The following XIAP variants were observed in gnomAD, a reference collection of about 807,000 sequenced individuals.
XIAP encodes E3 ubiquitin-protein ligase XIAP.
Under a neutral mutation model 33.1 loss-of-function variants are expected in XIAP, and 3 were observed. That is an observed-to-expected ratio of 0.09 (90% CI 0.04 to 0.23). The LOEUF is 0.23. Among genes scored for constraint, XIAP ranks in the 10% least tolerant of loss-of-function variants. XIAP has a pLI of 1.00. For missense variants in XIAP, 264 were observed against 363.0 expected (o/e 0.73, Z 2.22); for synonymous variants, 98 against 121.3 (o/e 0.81, Z 1.26).
At position 123,897,245 on chromosome X, in the gene XIAP, A is replaced by G. The variant is rs997764909; in HGVS notation, c.1100-3248A>G. ...GCCCAGCGAAACATCTTTAATTTTT[A>G]TGACATCCAATTTATCTATTTTTCT... On this transcript the variant is annotated intron_variant, in intron 5 of 6. Transcript: ENST00000371199. Among the ~76,000 whole-genome samples the G allele has an allele frequency of 7.2e-5, 8 of 111,682 alleles. No homozygotes were observed. The Admixed American group carries it at 7.7e-4, about 11-fold the overall frequency.
At chrX:123,904,396 C>A (rs2053542134) in intron 6 of XIAP, among the ~76,000 whole-genome samples, 1 of 110,991 alleles carries the variant, frequency 9.0e-6, no homozygotes, top group Admixed American at 9.7e-5. Flanking sequence ...AGTGCCGTTT[C>A]TTTACTTGTA....
At position 123,860,231 on chromosome X, in the gene XIAP, G is replaced by C. The variant is rs757670783; in HGVS notation, c.-95G>C. On this transcript the variant is annotated 5_prime_UTR_variant, in exon 1 of 7. Transcript: ENST00000371199. ...TTGGGGCTCGGGCCGCGCCTCCTCC[G>C]GGACCCTCCCCTTGGACCGAGCCGA... 6 of 329,988 alleles carry C rather than the reference G, an allele frequency of 1.8e-5. No individual in the cohort carries two copies. Among genetic ancestry groups the C allele is most frequent in the South Asian group, 1.6e-4 (6 of 38,548 alleles). 27.2% of individuals were successfully genotyped at this position (329,988 alleles called of 1,213,427 possible).
intron 6 of XIAP, 61 bp from the exon 7 acceptor site, chrX:123,906,927 T>C: frequency 8.5e-7 from 1 of 1,171,083 alleles, no homozygotes; most frequent in Non-Finnish European, 1.2e-6. Context: ...ATAAATGTTT[T>C]CAATGAATTT....
chrX:123,860,407 G>C (rs1326017179), intron 1 of XIAP, 114 bp downstream of exon 1: 4 of 291,815 alleles, frequency 1.4e-5, no homozygotes, highest in Non-Finnish European at 6.7e-6. Flanking sequence ...TGGGGAGGGC[G>C]GGAAGGCCGC....
chrX:123,883,402 T>A (rs7060959), intron 1 of XIAP, among the ~76,000 whole-genome samples: 20,730 of 109,492 alleles, frequency 0.19, 1,429 homozygotes, highest in South Asian at 0.39. Flanking sequence ...AGATATTTTT[T>A]AAAAACCAGA....
Position 123,910,111 on chromosome X carries a change from A to T in XIAP, c.*2930A>T, listed in dbSNP as rs772067043. 4 of 325,028 alleles carry T rather than the reference A, an allele frequency of 1.2e-5. No homozygotes were observed. Among genetic ancestry groups the T allele is most frequent in the South Asian group, 1.1e-4 (4 of 37,401 alleles). 26.8% of individuals were successfully genotyped at this position (325,028 alleles called of 1,213,427 possible). On this transcript the variant is annotated 3_prime_UTR_variant, in exon 7 of 7. Transcript: ENST00000371199. ...GCAATAAGTACTTATCTTTATTTGT[A>T]ATAATTTAGTCTGCTGATCAAAAGC...
chrX:123,863,151 T>A (rs1413937352), intron 1 of XIAP, among the ~76,000 whole-genome samples: 2 of 110,813 alleles, frequency 1.8e-5, no homozygotes, highest in Non-Finnish European at 3.8e-5. Context: ...ACATATTTTT[T>A]AAAAAAGTTA....
chrX:123,861,764 C>A (rs898117630), intron 1 of XIAP, among the ~76,000 whole-genome samples: 7 of 111,782 alleles, frequency 6.3e-5, no homozygotes, highest in Non-Finnish European at 1.3e-4. Flanking sequence ...TGTATTTATA[C>A]ATATCAGTGG....
intron 5 of XIAP, among the ~76,000 whole-genome samples, chrX:123,895,763 CTTT>C (rs202012632): frequency 1.0e-5 from 1 of 98,536 alleles, no homozygotes; most frequent in Non-Finnish European, 2.1e-5. Flanking sequence ...TCTCCTTTGA[CTTT>C]TTTTTTTTTT....
At chrX:123,894,603 T>G (rs749383546) in intron 5 of XIAP, among the ~76,000 whole-genome samples, 1 of 110,645 alleles carries the variant, frequency 9.0e-6, no homozygotes, top group African/African-American at 3.3e-5. Flanking sequence ...ACTCCGTCTC[T>G]ACTAAAAATA....
At chrX:123,906,346 A>G (rs761229570) in intron 6 of XIAP, among the ~76,000 whole-genome samples, 2 of 111,863 alleles carry the variant, frequency 1.8e-5, no homozygotes, top group East Asian at 5.6e-4. Flanking sequence ...GTGTCCTGAA[A>G]ACACCTCAAA....
chrX:123,892,945 C>T (rs1004331257), intron 5 of XIAP, among the ~76,000 whole-genome samples, 172 bp downstream of exon 5: 2 of 110,414 alleles, frequency 1.8e-5, no homozygotes, highest in Non-Finnish European at 3.8e-5. Context: ...CTCAACCTCC[C>T]GAGTAGCTGG....
chrX:123,882,671 C>T (rs899712059), intron 1 of XIAP, among the ~76,000 whole-genome samples: 13 of 112,644 alleles, frequency 1.2e-4, no homozygotes, highest in Admixed American at 6.6e-4. Context: ...GTAATGTTGG[C>T]TTATGATGAA....
chrX:123,895,785 G>A (rs529184031), intron 5 of XIAP, among the ~76,000 whole-genome samples: 7 of 102,240 alleles, frequency 6.8e-5, no homozygotes, highest in Non-Finnish European at 9.9e-5. Context: ...TTTTTGAGAC[G>A]GAGTCTTGCT....
At chrX:123,879,326 T>TC (rs2053275927) in intron 1 of XIAP, 1 of 101,069 alleles carries the variant, frequency 9.9e-6, no homozygotes, top group Non-Finnish European at 2.0e-5. Flanking sequence ...TTTTTTTTTT[T>TC]TTTTTTTTTT....
intron 2 of XIAP, among the ~76,000 whole-genome samples, chrX:123,887,909 A>G (rs1223281636): frequency 9.1e-6 from 1 of 110,169 alleles, no homozygotes; most frequent in Non-Finnish European, 1.9e-5. Flanking sequence ...ACTTGAACCC[A>G]GAAGGCAGAG....
intron 1 of XIAP, among the ~76,000 whole-genome samples, chrX:123,871,362 A>G (rs1297586413): frequency 8.9e-6 from 1 of 112,048 alleles, no homozygotes; most frequent in African/African-American, 3.2e-5. Context: ...CATTTCTGGA[A>G]CCATCTGATT....
intron 1 of XIAP, among the ~76,000 whole-genome samples, chrX:123,861,252 G>T: frequency 9.0e-6 from 1 of 111,548 alleles, no homozygotes; most frequent in East Asian, 2.8e-4. Flanking sequence ...ATGTTATCTG[G>T]CTTCTTGCCC....
At chrX:123,888,944 A>C (rs769989584) in intron 3 of XIAP, among the ~76,000 whole-genome samples, 2 of 110,960 alleles carry the variant, frequency 1.8e-5, no homozygotes, top group African/African-American at 6.5e-5. Context: ...TTTGAGACGA[A>C]GTCTCACTCT....
Sources: allele counts gnomAD v4.1 joint callset (sites outside exome capture counted in the v4.1 genomes callset), GRCh38; gene constraint gnomAD v4.1.1; transcripts MANE v1.5; gene names NCBI Gene and HGNC (gene_info 2026-07-23, HGNC 2026-07-21).